MYO16: variants seen among roughly 807,000 people sequenced by gnomAD.
MYO16 encodes the protein myosin XVI.
A neutral mutation model predicts 205.3 loss-of-function variants in MYO16; 94 were observed. That is an observed-to-expected ratio of 0.46 (90% CI 0.39 to 0.54). The LOEUF is 0.54. Ranked by LOEUF, MYO16 falls within the 20% of genes least tolerant of loss-of-function variation. The pLI, the probability that MYO16 is intolerant of heterozygous loss-of-function variation, is 0.00. For synonymous variants in MYO16, 988 were observed against 954.0 expected, an observed-to-expected ratio of 1.04 and a Z score of -0.66; for missense variants, 2,315 against 2,387.5, an observed-to-expected ratio of 0.97 and a Z score of 0.63.
chr13:108,899,028 A>AT (rs1378309647), intron 15 of MYO16, among the ~76,000 whole-genome samples: 4 of 152,166 alleles, frequency 2.6e-5, no homozygotes, highest in African/African-American at 9.7e-5. Context: ...GGAAAAAAAA[A>AT]GTTAGTTTTG....
chr13:108,642,703 C>A (rs556815180), intron 1 of MYO16, among the ~76,000 whole-genome samples: 2 of 152,268 alleles, frequency 1.3e-5, no homozygotes, highest in African/African-American at 4.8e-5. Context: ...CAGGTGTGAG[C>A]CACCGTGCCC....
chr13:108,989,945 A>G (rs1884770705), intron 20 of MYO16, among the ~76,000 whole-genome samples: 2 of 152,126 alleles, frequency 1.3e-5, no homozygotes, highest in African/African-American at 4.8e-5. Flanking sequence ...TAATTCTAGC[A>G]ATGATCTAGC....
intron 4 of MYO16, among the ~76,000 whole-genome samples, chr13:108,772,037 A>C (rs1885981598): frequency 6.6e-6 from 1 of 152,206 alleles, no homozygotes; most frequent in South Asian, 2.1e-4. Context: ...TGGGTCATGT[A>C]GTAAGAGTAG....
chr13:108,803,982 C>T (rs1482095041), intron 6 of MYO16, among the ~76,000 whole-genome samples: 2 of 152,072 alleles, frequency 1.3e-5, no homozygotes, highest in East Asian at 3.9e-4. Flanking sequence ...TATTAGGAGC[C>T]TCAGTATGTT....
intron 7 of MYO16, among the ~76,000 whole-genome samples, chr13:108,812,816 C>T (rs540143790): frequency 8.9e-4 from 135 of 152,206 alleles, no homozygotes; most frequent in Middle Eastern, 3.4e-3. Context: ...AGGAGTGTTT[C>T]TCTCTCCTGC....
intron 28 of MYO16, among the ~76,000 whole-genome samples, chr13:109,112,850 T>C (rs529949375): frequency 1.3e-5 from 2 of 152,396 alleles, no homozygotes; most frequent in African/African-American, 4.8e-5. Flanking sequence ...TTCTCCATTG[T>C]ACACATCCAT....
chr13:108,784,190 A>G (rs553513622), intron 4 of MYO16, among the ~76,000 whole-genome samples: 1 of 152,334 alleles, frequency 6.6e-6, no homozygotes, highest in South Asian at 2.1e-4. Context: ...AAAGGAAAAG[A>G]ATCATTAGCA....
At chr13:108,908,988 A>C (rs1397550949) in intron 15 of MYO16, among the ~76,000 whole-genome samples, 1 of 124,178 alleles carries the variant, frequency 8.1e-6, no homozygotes, top group Non-Finnish European at 1.5e-5. Flanking sequence ...AAATAAAATA[A>C]AATAAATAAA....
chr13:109,125,508 A>G lies in MYO16; in HGVS notation c.3782+150A>G. 5 of 1,074,734 alleles carry G rather than the reference A, an allele frequency of 4.7e-6. No individual in the cohort carries two copies. Among genetic ancestry groups the G allele is most frequent in the Non-Finnish European group, 6.6e-6 (5 of 755,548 alleles). 66.6% of individuals were successfully genotyped at this position (1,074,734 alleles called of 1,614,324 possible). The stretch of plus-strand genomic sequence containing the variant: ...GTGGTTTGTTATTCGAAATGGCAGC[A>G]GTCTAAAAAGATGCTTTCCTGTGCT... On this transcript the variant is annotated intron_variant, in intron 30 of 34. Transcript: ENST00000457511. This position sits in a 1 kb window ranked among gnomAD's most constrained non-coding sequence, Gnocchi z 4.0.
chr13:109,194,197 T>A (rs964262295), intron 34 of MYO16, among the ~76,000 whole-genome samples: 2 of 152,320 alleles, frequency 1.3e-5, no homozygotes, highest in African/African-American at 4.8e-5. Context: ...ATTGTGTGCA[T>A]CTGGCTTAGT....
At chr13:108,908,577 C>T (rs11069753) in intron 15 of MYO16, among the ~76,000 whole-genome samples, 48,425 of 152,022 alleles carry the variant, frequency 0.32, 8,078 homozygotes, top group South Asian at 0.37. Context: ...ATTTATTTGC[C>T]TTTCTAAGAA....
chr13:108,612,531 A>G (rs1879213915), intron 1 of MYO16, among the ~76,000 whole-genome samples: 1 of 152,178 alleles, frequency 6.6e-6, no homozygotes, highest in Non-Finnish European at 1.5e-5. Flanking sequence ...AACATGTGCC[A>G]AGTACTCTGA....
At chr13:108,508,550 C>T in the MYO16 span, among the ~76,000 whole-genome samples, 1 of 152,080 alleles carries the variant, frequency 6.6e-6, no homozygotes, top group Non-Finnish European at 1.5e-5. Flanking sequence ...TGTCAGTATT[C>T]TAAATCAGGT....
intron 32 of MYO16, chr13:109,164,232 T>C (rs1422908655): frequency 5.3e-5 from 8 of 152,222 alleles, no homozygotes; most frequent in African/African-American, 1.9e-4. Flanking sequence ...CTACCTCCAT[T>C]GGACATTTTT....
chr13:108,575,614 A>G, the MYO16 span, among the ~76,000 whole-genome samples: 6 of 151,926 alleles, frequency 3.9e-5, no homozygotes, highest in Admixed American at 2.0e-4. Flanking sequence ...CTCTACTGAA[A>G]TTTTCCCTCC....
At chr13:108,592,767 G>A (rs574404057), upstream of MYO16, among the ~76,000 whole-genome samples, 13 of 125,894 alleles carry the variant, frequency 1.0e-4, no homozygotes, top group East Asian at 3.3e-3. Flanking sequence ...TATGGTTAGG[G>A]ACCTGGCATT....
chr13:108,899,982 G>A (rs1457366960), intron 15 of MYO16, among the ~76,000 whole-genome samples: 1 of 152,186 alleles, frequency 6.6e-6, no homozygotes, highest in Non-Finnish European at 1.5e-5. Flanking sequence ...CTGAAAGCAG[G>A]CCATTCGTGT....
At chr13:108,669,356 A>C (rs1440138759) in intron 2 of MYO16, among the ~76,000 whole-genome samples, 3 of 152,124 alleles carry the variant, frequency 2.0e-5, no homozygotes, top group Non-Finnish European at 4.4e-5. Context: ...TGTTGGGAGC[A>C]AGAATTTTAA....
chr13:109,004,925 G>A (rs1363515662), intron 21 of MYO16, among the ~76,000 whole-genome samples: 3 of 152,124 alleles, frequency 2.0e-5, no homozygotes, highest in Non-Finnish European at 4.4e-5. Flanking sequence ...GTTCTCATCC[G>A]AAGCAACTGT....
Sources: allele counts gnomAD v4.1 joint callset (sites outside exome capture counted in the v4.1 genomes callset), GRCh38; gene constraint gnomAD v4.1.1; non-coding constraint Gnocchi (gnomAD v3.1); transcripts MANE v1.5; gene names NCBI Gene and HGNC (gene_info 2026-07-23, HGNC 2026-07-21).